CEP97: variants seen among roughly 807,000 people sequenced by gnomAD.
CEP97 encodes centrosomal protein of 97 kDa.
In CEP97, 43 loss-of-function variants were observed where a neutral mutation model predicts 73.1. The observed-to-expected ratio is 0.59, with a 90% CI of 0.46 to 0.76. The LOEUF is 0.76. Ranked by LOEUF, CEP97 falls within the 30% of genes least tolerant of loss-of-function variation. The probability of loss-of-function intolerance (pLI) is 0.00; values close to 1 mark genes in which losing one functional copy is unlikely to be tolerated. For missense variants in CEP97, 939 were observed against 1,014.0 expected, an observed-to-expected ratio of 0.93 and a Z score of 1.00; for synonymous variants, 337 against 370.0, an observed-to-expected ratio of 0.91 and a Z score of 1.02.
chr3:101,727,547 T>A lies in CEP97; in HGVS notation c.345+6T>A. The A allele has an allele frequency of 6.3e-7, 1 of 1,591,252 alleles. No individual in the cohort carries two copies. The highest frequency in any genetic ancestry group is 1.2e-5 in the South Asian group (1 of 86,472). ...TGGCAGGAAATAATCTTAAGGTGAA[T>A]GGTTTCTTTTTTGTTTACAAAACTA... is the stretch of plus-strand genomic sequence containing the variant. On this transcript the variant is annotated splice_donor_region_variant and intron_variant, in intron 3 of 10. Coordinates refer to ENST00000341893, the MANE Select transcript of CEP97 (RefSeq NM_024548.4).
intron 6 of CEP97, among the ~76,000 whole-genome samples, chr3:101,748,962 A>G (rs554501985): frequency 6.6e-6 from 1 of 152,136 alleles, no homozygotes; most frequent in Non-Finnish European, 1.5e-5. Flanking sequence ...ACTTCTAATT[A>G]TCTTTATTAA....
At chr3:101,748,599 T>C (rs994276141) in intron 6 of CEP97, among the ~76,000 whole-genome samples, 1 of 152,196 alleles carries the variant, frequency 6.6e-6, no homozygotes, top group Non-Finnish European at 1.5e-5. Context: ...ATGAAGATTC[T>C]AAATGATTTT....
intron 6 of CEP97, among the ~76,000 whole-genome samples, chr3:101,737,985 G>A (rs1210251074): frequency 1.7e-5 from 2 of 118,008 alleles, no homozygotes; most frequent in Non-Finnish European, 3.3e-5. Context: ...AAGGGATGGA[G>A]GAATATTTAC....
At chr3:101,763,975 T>C (rs1576703255) in intron 10 of CEP97, among the ~76,000 whole-genome samples, 4 of 152,338 alleles carry the variant, frequency 2.6e-5, no homozygotes, top group Admixed American at 2.6e-4. Context: ...GTTTTTCTTG[T>C]AGAAGCAAGA....
intron 6 of CEP97, among the ~76,000 whole-genome samples, chr3:101,749,918 G>C (rs1421438971): frequency 6.7e-6 from 1 of 150,000 alleles, no homozygotes; most frequent in Non-Finnish European, 1.5e-5. Context: ...TGAGTAGGTT[G>C]TGAAAATTTT....
chr3:101,732,689 T>G, intron 6 of CEP97, 35 bp downstream of exon 6: 1 of 1,535,042 alleles, frequency 6.5e-7, no homozygotes, highest in Non-Finnish European at 8.9e-7. Context: ...CAAATGTTAC[T>G]GAAAAGACCA....
At chr3:101,736,476 C>T (rs1938280636) in intron 6 of CEP97, among the ~76,000 whole-genome samples, 1 of 152,168 alleles carries the variant, frequency 6.6e-6, no homozygotes, top group South Asian at 2.1e-4. Context: ...GTGAGTGCCC[C>T]TCTAGGATGA....
intron 9 of CEP97, among the ~76,000 whole-genome samples, chr3:101,761,791 T>C (rs116838952): frequency 6.6e-6 from 1 of 152,218 alleles, no homozygotes; most frequent in African/African-American, 2.4e-5. Context: ...AGTGGAGAAT[T>C]GGGTCAGAGG....
chr3:101,744,514 C>T (rs569120145), intron 6 of CEP97, among the ~76,000 whole-genome samples: 3 of 148,614 alleles, frequency 2.0e-5, no homozygotes, highest in East Asian at 2.0e-4. Flanking sequence ...ACCCAGGAGG[C>T]GGAGGTTGCA....
At chr3:101,736,521 C>T (rs765551477) in intron 6 of CEP97, among the ~76,000 whole-genome samples, 7 of 152,218 alleles carry the variant, frequency 4.6e-5, no homozygotes, top group Non-Finnish European at 8.8e-5. Context: ...GCAATCTTTG[C>T]TGTTCTGCAG....
chr3:101,737,863 G>A (rs1938327792), intron 6 of CEP97, among the ~76,000 whole-genome samples: 1 of 151,958 alleles, frequency 6.6e-6, no homozygotes, highest in South Asian at 2.1e-4. Context: ...ATGTAAATGG[G>A]CTATTAGCCC....
chr3:101,733,479 A>G (rs1938176329), intron 6 of CEP97, among the ~76,000 whole-genome samples: 2 of 152,138 alleles, frequency 1.3e-5, no homozygotes, highest in Admixed American at 6.5e-5. Context: ...TTAATTTGGA[A>G]CTAGTAGCAG....
At chr3:101,727,282 TGAGA>T in intron 2 of CEP97, 97 bp from the exon 3 acceptor site, 1 of 900,210 alleles carries the variant, frequency 1.1e-6, no homozygotes, top group Non-Finnish European at 1.7e-6. Context: ...GGAGTTTGTT[TGAGA>T]GTGTTTGGCT....
At chr3:101,748,273 G>A (rs1938689258) in intron 6 of CEP97, among the ~76,000 whole-genome samples, 1 of 150,266 alleles carries the variant, frequency 6.7e-6, no homozygotes, top group Middle Eastern at 3.2e-3. Context: ...TATAATTTGT[G>A]TAGGGATAAG....
chr3:101,753,578 T>C (rs1358265500), intron 6 of CEP97, among the ~76,000 whole-genome samples: 1 of 152,248 alleles, frequency 6.6e-6, no homozygotes, highest in African/African-American at 2.4e-5. Flanking sequence ...TTCCGGCTGC[T>C]TTGTTTACCT....
At chr3:101,727,645 C>G in intron 3 of CEP97, 104 bp downstream of exon 3, 1 of 849,796 alleles carries the variant, frequency 1.2e-6, no homozygotes, top group Non-Finnish European at 1.8e-6. Flanking sequence ...CTCCCACTCT[C>G]CAGGGATAAT....
At chr3:101,761,436 ACAGGTATGGGG>A (rs1289860501) in intron 9 of CEP97, among the ~76,000 whole-genome samples, 2 of 152,192 alleles carry the variant, frequency 1.3e-5, no homozygotes, top group African/African-American at 4.8e-5. Flanking sequence ...AAAAACGATG[ACAGGTATGGGG>A]CAAAGAGAAA....
chr3:101,743,390 G>GA (rs980947198), intron 6 of CEP97, among the ~76,000 whole-genome samples: 3 of 151,334 alleles, frequency 2.0e-5, no homozygotes, highest in Non-Finnish European at 4.4e-5. Flanking sequence ...GTTTCTCCTA[G>GA]AAAAAATATA....
intron 6 of CEP97, among the ~76,000 whole-genome samples, chr3:101,741,086 A>G (rs1046571072): frequency 1.3e-5 from 2 of 152,176 alleles, no homozygotes; most frequent in African/African-American, 4.8e-5. Context: ...ATATAGACAA[A>G]TGGAACAGAA....
Sources: gnomAD v4.1 joint callset for allele counts (sites outside exome capture counted in the v4.1 genomes callset) on GRCh38, gnomAD v4.1.1 for gene constraint, MANE v1.5 for transcripts, NCBI Gene and HGNC (gene_info 2026-07-23, HGNC 2026-07-21) for gene names.